Variants in AGAP1 observed in about 807,000 individuals in gnomAD.
AGAP1 encodes the protein arf-GAP with GTPase, ANK repeat and PH domain-containing protein 1.
AGAP1 carries 29 observed loss-of-function variants against 105.3 expected under a neutral mutation model. The observed-to-expected ratio is 0.28, with a 90% confidence interval of 0.21 to 0.38. AGAP1 has a LOEUF of 0.38. Ranked by LOEUF, AGAP1 falls within the 10% of genes least tolerant of loss-of-function variation. The pLI, the probability that AGAP1 is intolerant of heterozygous loss-of-function variation, is 1.00. For missense variants in AGAP1, 998 were observed against 1,165.1 expected (o/e 0.86, Z 2.09); for synonymous variants, 509 against 485.9 (o/e 1.05, Z -0.63).
Position 235,960,228 on chromosome 2 carries a change from C to T in AGAP1, c.1484-8234C>T, listed in dbSNP as rs965707757. 2.6e-5 allele frequency among the ~76,000 whole-genome samples: 4 copies of T among 152,186 alleles called. No homozygotes were observed. Among genetic ancestry groups the T allele is most frequent in the Non-Finnish European group, 2.9e-5 (2 of 68,038 alleles). Reference sequence around the variant, plus strand: ...AGGTGCTTTGCACACGTCAGTTACTCGAGTCATAGCCTCCTGAGGACGACT... The same window carrying T: ...AGGTGCTTTGCACACGTCAGTTACTTGAGTCATAGCCTCCTGAGGACGACT... On this transcript the variant is annotated intron_variant, in intron 12 of 17. Coordinates refer to ENST00000304032, the MANE Select transcript of AGAP1 (RefSeq NM_001037131.3). The surrounding 1 kb of genome is among the most constrained non-coding windows in gnomAD (Gnocchi z 4.9).
intron 1 of AGAP1, among the ~76,000 whole-genome samples, chr2:235,697,213 C>T (rs906513495): frequency 6.6e-6 from 1 of 152,160 alleles, no homozygotes; most frequent in Non-Finnish European, 1.5e-5. Flanking sequence ...CCTCCCATTT[C>T]ACAGATGAAG....
chr2:235,590,692 C>CGTGTGCGT (rs1553574186), intron 1 of AGAP1, among the ~76,000 whole-genome samples: 1 of 72,558 alleles, frequency 1.4e-5, no homozygotes, highest in African/African-American at 6.8e-5. Context: ...TGTGCGTGTG[C>CGTGTGCGT]GTGTGTGTGT....
At position 235,951,014 on chromosome 2, in the gene AGAP1, TTCTAATAGTA is replaced by T. The variant is rs1162063004; in HGVS notation, c.1484-17437_1484-17428del. ...TCAGTTCTTTTTTACAAAAAGAATA[TTCTAATAGTA>T]TCTAATAGTAATGGTGAATTACTCA... is the stretch of plus-strand genomic sequence containing the variant. On this transcript the variant is annotated intron_variant, in intron 12 of 17. Transcript: ENST00000304032. This position sits in a 1 kb window ranked among gnomAD's most constrained non-coding sequence, Gnocchi z 4.2. 6.6e-6 allele frequency among the ~76,000 whole-genome samples: 1 copy of T among 151,260 alleles called. No homozygotes were observed. The highest frequency in any genetic ancestry group is 1.5e-5 in the Non-Finnish European group (1 of 67,888).
chr2:235,727,559 A>G (rs1951709353), intron 3 of AGAP1, among the ~76,000 whole-genome samples: 1 of 152,138 alleles, frequency 6.6e-6, no homozygotes, highest in Non-Finnish European at 1.5e-5. Context: ...TTGCTTCTTA[A>G]TCTCCAATGC....
chr2:235,775,359 C>T (rs1422200327), intron 6 of AGAP1, among the ~76,000 whole-genome samples: 1 of 152,162 alleles, frequency 6.6e-6, no homozygotes, highest in African/African-American at 2.4e-5. Flanking sequence ...TTGTGCCAGC[C>T]AAAAGTGAGT....
chr2:235,790,664 C>T (rs1956921663), intron 6 of AGAP1, among the ~76,000 whole-genome samples: 1 of 152,212 alleles, frequency 6.6e-6, no homozygotes, highest in African/African-American at 2.4e-5. Flanking sequence ...TTCTAGTTGC[C>T]TGTTTCAGCA....
At position 235,843,127 on chromosome 2, in the gene AGAP1, C is replaced by G. The variant is rs1044934093; in HGVS notation, c.1050+35796C>G. ...CCTTGTCGGTTTTTCACCCTGCAGCCCTTTGAGACCAAATCTGCCTGTGAA... is the reference window on the plus strand; with the variant it reads ...CCTTGTCGGTTTTTCACCCTGCAGCGCTTTGAGACCAAATCTGCCTGTGAA... On this transcript the variant is annotated intron_variant, in intron 9 of 17. Transcript: ENST00000304032. This position sits in a 1 kb window ranked among gnomAD's most constrained non-coding sequence, Gnocchi z 5.9. Among the ~76,000 whole-genome samples the G allele has an allele frequency of 6.6e-6, 1 of 152,168 alleles. No individual in the cohort carries two copies. The highest frequency in any genetic ancestry group is 1.5e-5 in the Non-Finnish European group (1 of 68,044).
At chr2:235,509,541 G>A (rs1229837527) in intron 1 of AGAP1, among the ~76,000 whole-genome samples, 2 of 152,012 alleles carry the variant, frequency 1.3e-5, no homozygotes, top group African/African-American at 2.4e-5. Context: ...CCAGAGGTGT[G>A]GTTTACATAA....
intron 9 of AGAP1, among the ~76,000 whole-genome samples, chr2:235,850,078 G>A (rs972894666): frequency 6.6e-6 from 1 of 152,120 alleles, no homozygotes; most frequent in Non-Finnish European, 1.5e-5. Context: ...CCCACCCCAC[G>A]GTGTCCTGGC....
At chr2:235,653,555 C>G (rs10460278) in intron 1 of AGAP1, among the ~76,000 whole-genome samples, 99,265 of 151,920 alleles carry the variant, frequency 0.65, 32,659 homozygotes, top group East Asian at 0.81. Context: ...AAAAAGTGCA[C>G]ACTCCCTGGC....
intron 13 of AGAP1, among the ~76,000 whole-genome samples, chr2:235,985,767 A>T (rs1048535451): frequency 6.0e-4 from 91 of 152,242 alleles, no homozygotes; most frequent in African/African-American, 2.0e-3. Context: ...TTTGTCAAAG[A>T]TCAGTTGGTT....
chr2:235,723,473 G>C lies in AGAP1; in HGVS notation c.310+5829G>C, dbSNP rs1024808660. Among the ~76,000 whole-genome samples, 1 of 152,236 alleles carries C rather than the reference G, an allele frequency of 6.6e-6. No individual in the cohort carries two copies. Among genetic ancestry groups the C allele is most frequent in the Non-Finnish European group, 1.5e-5 (1 of 68,046 alleles). The stretch of plus-strand genomic sequence containing the variant: ...ACACTTCACCCCCTGCAGGTGGGGA[G>C]AGTGTGGCGTCCTCCTGAGATCTTT... On this transcript the variant is annotated intron_variant, in intron 3 of 17. Transcript: ENST00000304032. This position sits in a 1 kb window ranked among gnomAD's most constrained non-coding sequence, Gnocchi z 6.2.
chr2:235,603,393 A>T (rs1014825332), intron 1 of AGAP1, among the ~76,000 whole-genome samples: 2 of 152,108 alleles, frequency 1.3e-5, no homozygotes, highest in African/African-American at 2.4e-5. Flanking sequence ...CACCTACTGT[A>T]TTTGTTTTCT....
rs1007329324 is a variant in AGAP1, at chr2:235,960,387, C to T, written c.1484-8075C>T. On this transcript the variant is annotated intron_variant, in intron 12 of 17. Coordinates refer to ENST00000304032, the MANE Select transcript of AGAP1 (RefSeq NM_001037131.3). This position sits in a 1 kb window ranked among gnomAD's most constrained non-coding sequence, Gnocchi z 4.9. Reference sequence around the variant, plus strand: ...CCCGCAGTGGCCAGGACAAGGCTCACATTTTTCTGTTCTCTGTCTCCCCAG... The same window carrying T: ...CCCGCAGTGGCCAGGACAAGGCTCATATTTTTCTGTTCTCTGTCTCCCCAG... 6.6e-6 allele frequency among the ~76,000 whole-genome samples: 1 copy of T among 152,194 alleles called. No individual in the cohort carries two copies.
chr2:235,542,133 TGC>T (rs2149096839), intron 1 of AGAP1, among the ~76,000 whole-genome samples: 1 of 152,290 alleles, frequency 6.6e-6, no homozygotes, highest in East Asian at 1.9e-4. Context: ...ACTGTTTGTG[TGC>T]TTTGTATTTT....
rs11676301 is a variant in AGAP1, at chr2:235,891,811, C to T, written c.1155+8362C>T. ...CGTTTGGCAGCTGTGAAACTCCTCC[C>T]CTCCGGGCCATACCTGGCAGACGTG... On this transcript the variant is annotated intron_variant, in intron 10 of 17. Coordinates refer to ENST00000304032, the MANE Select transcript of AGAP1 (RefSeq NM_001037131.3). The surrounding 1 kb of genome is among the most constrained non-coding windows in gnomAD (Gnocchi z 4.2). Among the ~76,000 whole-genome samples the T allele has an allele frequency of 0.027, 4,036 of 152,188 alleles. 114 individuals carry two copies. Among genetic ancestry groups the T allele is most frequent in the South Asian group, 0.092 (442 of 4,822 alleles).
rs948562968 is a variant in AGAP1 at position 236,131,046 on chromosome 2, G to A, written c.*6924G>A. The A allele has an allele frequency of 3.9e-5, 6 of 152,262 alleles. No individual in the cohort carries two copies. Among genetic ancestry groups the A allele is most frequent in the African/African-American group, 9.7e-5 (4 of 41,436 alleles). The allele number at this position is 152,262 out of a possible 1,614,324, so 9.4% of individuals were successfully genotyped here. On this transcript the variant is annotated 3_prime_UTR_variant, in exon 18 of 18. Coordinates refer to ENST00000304032, the MANE Select transcript of AGAP1 (RefSeq NM_001037131.3). This position sits in a 1 kb window ranked among gnomAD's most constrained non-coding sequence, Gnocchi z 5.9. Reference sequence around the variant, plus strand: ...AAGCTGCTTCGTGGCGTTAAGAACGGGGGGAGAGGGACCAGCACTGTAACG... The same window carrying A: ...AAGCTGCTTCGTGGCGTTAAGAACGAGGGGAGAGGGACCAGCACTGTAACG...
Position 235,875,318 on chromosome 2 carries a change from G to A in AGAP1, c.1051-8027G>A, listed in dbSNP as rs1448244773. ...TATTTTAAATTGTTGGGATGAACAAGCACTTTGGGTTCCTGAGATCTTAGG... is the reference window on the plus strand; with the variant it reads ...TATTTTAAATTGTTGGGATGAACAAACACTTTGGGTTCCTGAGATCTTAGG... On this transcript the variant is annotated intron_variant, in intron 9 of 17. Coordinates refer to ENST00000304032, the MANE Select transcript of AGAP1 (RefSeq NM_001037131.3). The surrounding 1 kb of genome is among the most constrained non-coding windows in gnomAD (Gnocchi z 4.0). Among the ~76,000 whole-genome samples, 1 of 152,206 alleles carries A rather than the reference G, an allele frequency of 6.6e-6. No individual in the cohort carries two copies. Among genetic ancestry groups the A allele is most frequent in the Non-Finnish European group, 1.5e-5 (1 of 68,036 alleles).
In AGAP1 at chr2:235,777,464, C is replaced by T. The variant is rs1208036763; in HGVS notation, c.674-20295C>T. Among the ~76,000 whole-genome samples the T allele has an allele frequency of 6.6e-6, 1 of 152,252 alleles. No homozygotes were observed. The highest frequency in any genetic ancestry group is 1.5e-5 in the Non-Finnish European group (1 of 68,044). On this transcript the variant is annotated intron_variant, in intron 6 of 17. Transcript: ENST00000304032. The surrounding 1 kb of genome is among the most constrained non-coding windows in gnomAD (Gnocchi z 5.1). ...AGCGCCCGTGTGGGGCTGATTCCCACCTGCCTCCTCGTTATCAGCAGGCAG... is the reference window on the plus strand; with the variant it reads ...AGCGCCCGTGTGGGGCTGATTCCCATCTGCCTCCTCGTTATCAGCAGGCAG...
Sources: gnomAD v4.1 joint callset for allele counts (sites outside exome capture counted in the v4.1 genomes callset) on GRCh38, gnomAD v4.1.1 for gene constraint, Gnocchi (gnomAD v3.1) non-coding constraint, MANE v1.5 for transcripts, NCBI Gene and HGNC (gene_info 2026-07-23, HGNC 2026-07-21) for gene names.